Variants in GTF2F2 observed in about 807,000 individuals in gnomAD.
GTF2F2 encodes the protein general transcription factor IIF subunit 2.
In GTF2F2, 23 loss-of-function variants were observed where a neutral mutation model predicts 42.2. That is an observed-to-expected ratio of 0.55 (90% CI 0.39 to 0.77). The LOEUF (loss-of-function observed/expected upper bound fraction) is 0.77, where lower values mean the gene tolerates loss of function less well. Among genes scored for constraint, GTF2F2 ranks in the 30% least tolerant of loss-of-function variants. The pLI, the probability that GTF2F2 is intolerant of heterozygous loss-of-function variation, is 0.00. For synonymous variants in GTF2F2, 105 were observed against 100.8 expected, an observed-to-expected ratio of 1.04 and a Z score of -0.25; for missense variants, 261 against 287.2, an observed-to-expected ratio of 0.91 and a Z score of 0.66.
At chr13:45,252,724 C>T in intron 5 of GTF2F2, 147 bp from the exon 6 acceptor site, 1 of 539,706 alleles carries the variant, frequency 1.9e-6, no homozygotes, top group Non-Finnish European at 3.2e-6. Flanking sequence ...ATATTCAGTG[C>T]ATTTTTAAAG....
intron 5 of GTF2F2, among the ~76,000 whole-genome samples, chr13:45,227,903 G>A (rs1593503095): frequency 6.6e-6 from 1 of 152,178 alleles, no homozygotes; most frequent in African/African-American, 2.4e-5. Context: ...TGGCCCAAGG[G>A]ATGAGTTTGC....
rs777037670 is a variant in GTF2F2 at position 45,283,536 on chromosome 13, A to G, written c.725A>G (p.Tyr242Cys). Residue 242 changes from tyrosine to cysteine, a missense_variant, in exon 8 of 8, where the codon TAT becomes TGT. Transcript: ENST00000340473. ...GAGCTGAAGCCAGAGTACAGACACTATCAAGGAGAAGAAAAGAGTGACTAA... is the reference window on the plus strand; with the variant it reads ...GAGCTGAAGCCAGAGTACAGACACTGTCAAGGAGAAGAAAAGAGTGACTAA... ...TWELKPEYRH[Y>C]QGEEKSD 4 of 1,611,850 alleles carry G rather than the reference A, an allele frequency of 2.5e-6. No individual in the cohort carries two copies. Among genetic ancestry groups the G allele is most frequent in the Non-Finnish European group, 3.4e-6 (4 of 1,178,962 alleles).
intron 4 of GTF2F2, among the ~76,000 whole-genome samples, chr13:45,173,953 A>G (rs1484655219): frequency 6.6e-6 from 1 of 152,174 alleles, no homozygotes; most frequent in Non-Finnish European, 1.5e-5. Flanking sequence ...TATAACTGTT[A>G]TGTAAACAAG....
chr13:45,164,125 C>T lies in GTF2F2; in HGVS notation c.304+12294C>T, dbSNP rs144528826. ...CGAAACCCCGTCTCTACTAAAAATA[C>T]AAAAATTAGTCCAGCGTGGTGGCAG... On this transcript the variant is annotated intron_variant, in intron 4 of 7. Transcript: ENST00000340473. 7.8e-4 allele frequency among the ~76,000 whole-genome samples: 118 copies of T among 152,172 alleles called. 2 individuals are homozygous for T. In the East Asian group the frequency reaches 0.02, roughly 26 times the overall value.
chr13:45,250,312 C>A (rs909152629), intron 5 of GTF2F2, among the ~76,000 whole-genome samples: 2 of 152,110 alleles, frequency 1.3e-5, no homozygotes, highest in Non-Finnish European at 2.9e-5. Flanking sequence ...GCCTCCACCT[C>A]CCAAATTACA....
intron 4 of GTF2F2, among the ~76,000 whole-genome samples, chr13:45,155,357 G>T (rs1456267218): frequency 6.6e-6 from 1 of 152,104 alleles, no homozygotes; most frequent in African/African-American, 2.4e-5. Context: ...TAGGCTCTTT[G>T]TTTCTTTTTA....
At chr13:45,240,214 G>A (rs539858784) in intron 5 of GTF2F2, among the ~76,000 whole-genome samples, 1 of 148,618 alleles carries the variant, frequency 6.7e-6, no homozygotes, top group South Asian at 2.1e-4. Context: ...TTCACCTTAG[G>A]ATGGGAGCAT....
rs552537673 is a variant in GTF2F2 at position 45,236,691 on chromosome 13, G to A, written c.387-16180G>A. Among the ~76,000 whole-genome samples, 18 of 152,262 alleles carry A rather than the reference G, an allele frequency of 1.2e-4. No homozygotes were observed. In the South Asian group the frequency reaches 3.5e-3, roughly 30 times the overall value. ...AATGCATATGAAATAATCTAGAGCTGTATAGAAAATCAACCAAAAGGGTCG... is the reference window on the plus strand; with the variant it reads ...AATGCATATGAAATAATCTAGAGCTATATAGAAAATCAACCAAAAGGGTCG... On this transcript the variant is annotated intron_variant, in intron 5 of 7. Transcript: ENST00000340473.
chr13:45,167,232 A>ATTTTTTTT (rs553522450), intron 4 of GTF2F2, among the ~76,000 whole-genome samples: 1 of 127,686 alleles, frequency 7.8e-6, no homozygotes. Context: ...CTATTTTACT[A>ATTTTTTTT]TTTTTTTTTT....
intron 4 of GTF2F2, among the ~76,000 whole-genome samples, chr13:45,167,753 G>T (rs1277159612): frequency 6.6e-6 from 1 of 151,976 alleles, no homozygotes; most frequent in African/African-American, 2.4e-5. Context: ...TGTTGGCCAG[G>T]CTGGTTTCAA....
At chr13:45,135,179 C>T (rs1043971223) in intron 1 of GTF2F2, among the ~76,000 whole-genome samples, 6 of 152,014 alleles carry the variant, frequency 3.9e-5, no homozygotes, top group African/African-American at 1.4e-4. Flanking sequence ...GTCTAGAACT[C>T]CTGACCTCAA....
At chr13:45,261,241 A>G (rs1394440388) in intron 6 of GTF2F2, among the ~76,000 whole-genome samples, 5 of 152,050 alleles carry the variant, frequency 3.3e-5, no homozygotes, top group Admixed American at 2.0e-4. Flanking sequence ...CCTGGCTAAC[A>G]CGGTGAAACC....
intron 7 of GTF2F2, among the ~76,000 whole-genome samples, chr13:45,278,991 T>C (rs1184744095): frequency 1.3e-5 from 2 of 152,006 alleles, no homozygotes; most frequent in Non-Finnish European, 2.9e-5. Context: ...GCCCAGCTAA[T>C]TTTTGTAATT....
chr13:45,221,351 A>G (rs188307829), intron 5 of GTF2F2, among the ~76,000 whole-genome samples: 148 of 152,328 alleles, frequency 9.7e-4, no homozygotes, highest in African/African-American at 3.4e-3. Context: ...GCTCCAGAAT[A>G]TAAGTTCAGG....
At chr13:45,171,301 A>G (rs578063424) in intron 4 of GTF2F2, among the ~76,000 whole-genome samples, 1 of 152,080 alleles carries the variant, frequency 6.6e-6, no homozygotes, top group South Asian at 2.1e-4. Flanking sequence ...CTGATCTCGA[A>G]TTGGTGATCC....
At chr13:45,194,798 G>A in intron 4 of GTF2F2, 2 of 529,856 alleles carry the variant, frequency 3.8e-6, no homozygotes, top group East Asian at 3.0e-5. Context: ...ACTGTATCAG[G>A]GAAGGGATTT....
chr13:45,188,918 TTTTAA>T (rs1449716295), intron 4 of GTF2F2, among the ~76,000 whole-genome samples: 2 of 152,200 alleles, frequency 1.3e-5, no homozygotes, highest in African/African-American at 2.4e-5. Context: ...CTTTTTTTTT[TTTTAA>T]TTTAAGTTCT....
chr13:45,169,416 G>A (rs1278341082), intron 4 of GTF2F2, among the ~76,000 whole-genome samples: 1 of 152,098 alleles, frequency 6.6e-6, no homozygotes, highest in Non-Finnish European at 1.5e-5. Context: ...AAAGTTGTAG[G>A]CACCTCGATC....
chr13:45,214,657 T>A (rs1461263597), intron 5 of GTF2F2, among the ~76,000 whole-genome samples: 1 of 152,198 alleles, frequency 6.6e-6, no homozygotes, highest in Admixed American at 6.5e-5. Context: ...TAAATATAAA[T>A]ATACTTAATA....
Sources: allele counts gnomAD v4.1 joint callset (sites outside exome capture counted in the v4.1 genomes callset), GRCh38; gene constraint gnomAD v4.1.1; transcripts MANE v1.5; gene names NCBI Gene and HGNC (gene_info 2026-07-23, HGNC 2026-07-21).